Variants in PLA2G4A observed in about 807,000 individuals in gnomAD.
PLA2G4A encodes the protein phospholipase A2 group IVA, also known as cytosolic phospholipase A2.
Under a neutral mutation model 81.9 loss-of-function variants are expected in PLA2G4A, and 40 were observed. The observed-to-expected ratio is 0.49, with a 90% confidence interval of 0.38 to 0.64. The LOEUF (loss-of-function observed/expected upper bound fraction) is 0.64, where lower values mean the gene tolerates loss of function less well. Ranked by LOEUF, PLA2G4A falls within the 30% of genes least tolerant of loss-of-function variation. The pLI is 0.00. For missense variants in PLA2G4A, 715 were observed against 905.1 expected (o/e 0.79, Z 2.69); for synonymous variants, 302 against 296.9 (o/e 1.02, Z -0.18).
Position 186,837,748 on chromosome 1 carries a change from A to G in PLA2G4A, c.-70+8713A>G, listed in dbSNP as rs1322344711. Among the ~76,000 whole-genome samples the G allele has an allele frequency of 2.0e-5, 3 of 148,178 alleles. 1 individual carries two copies. Among genetic ancestry groups the G allele is most frequent in the East Asian group, 3.9e-4 (2 of 5,118 alleles). Reference sequence around the variant, plus strand: ...AGAGACTCCGTCTCAAAAAAAAAAAAAAAAGAAAAAGAAAAGAAAAAAAGA... The same window carrying G: ...AGAGACTCCGTCTCAAAAAAAAAAAGAAAAGAAAAAGAAAAGAAAAAAAGA... On this transcript the variant is annotated intron_variant, in intron 1 of 17. Transcript: ENST00000367466.
intron 5 of PLA2G4A, among the ~76,000 whole-genome samples, chr1:186,900,378 T>C (rs1327116050): frequency 6.6e-6 from 1 of 152,220 alleles, no homozygotes; most frequent in East Asian, 1.9e-4. Context: ...AAATAAATAT[T>C]AAATATTCTC....
chr1:186,893,468 T>C (rs746894857), intron 4 of PLA2G4A, among the ~76,000 whole-genome samples: 1 of 152,234 alleles, frequency 6.6e-6, no homozygotes, highest in African/African-American at 2.4e-5. Flanking sequence ...TTTTAAAAAG[T>C]GAAAATTAAT....
chr1:186,910,759 G>A (rs6662687), intron 6 of PLA2G4A, among the ~76,000 whole-genome samples: 84,907 of 151,970 alleles, frequency 0.56, 25,152 homozygotes, highest in African/African-American at 0.76. Flanking sequence ...GTTAGAGGGG[G>A]GCATCCATTA....
intron 15 of PLA2G4A, among the ~76,000 whole-genome samples, chr1:186,966,135 A>G (rs1470110151): frequency 6.6e-6 from 1 of 150,990 alleles, no homozygotes; most frequent in Non-Finnish European, 1.5e-5. Context: ...AAAAAAAAAA[A>G]AAAAGACATC....
intron 12 of PLA2G4A, among the ~76,000 whole-genome samples, chr1:186,947,500 G>A (rs964182846): frequency 3.3e-5 from 5 of 152,010 alleles, no homozygotes; most frequent in African/African-American, 9.7e-5. Context: ...AATAAATTAC[G>A]AATATTTACA....
At position 186,882,777 on chromosome 1, in the gene PLA2G4A, G is replaced by T. The variant is rs563091769; in HGVS notation, c.116-10234G>T. ...ATGCTAATAGTCTATGTGAGAGGTG[G>T]TGCTTAGTTGAATCGGGGCAATTAT... On this transcript the variant is annotated intron_variant, in intron 3 of 17. Transcript: ENST00000367466. 2.0e-5 allele frequency among the ~76,000 whole-genome samples: 3 copies of T among 152,210 alleles called. No individual in the cohort carries two copies. In the South Asian group the frequency reaches 6.2e-4, roughly 32 times the overall value.
chr1:186,971,883 G>A (rs1316775731), intron 15 of PLA2G4A, among the ~76,000 whole-genome samples: 1 of 151,992 alleles, frequency 6.6e-6, no homozygotes, highest in East Asian at 1.9e-4. Context: ...ATTTTATTAA[G>A]GTAATTAAAT....
intron 15 of PLA2G4A, among the ~76,000 whole-genome samples, chr1:186,975,720 C>T (rs1402601615): frequency 1.3e-5 from 2 of 152,068 alleles, no homozygotes; most frequent in Admixed American, 1.3e-4. Context: ...CTCTGCGTTG[C>T]CTGTAGGGGA....
chr1:186,864,645 G>GATTATTATT (rs75963523), intron 2 of PLA2G4A, among the ~76,000 whole-genome samples: 4,204 of 147,126 alleles, frequency 0.029, 66 homozygotes, highest in South Asian at 0.047. Context: ...TTAAAAATCA[G>GATTATTATT]ATTATTATTA....
At chr1:186,952,925 C>A (rs990681945) in intron 13 of PLA2G4A, among the ~76,000 whole-genome samples, 1 of 152,054 alleles carries the variant, frequency 6.6e-6, no homozygotes, top group African/African-American at 2.4e-5. Flanking sequence ...CAGGTTGTGC[C>A]ACAGTTTAGT....
At chr1:186,847,106 CATAT>C (rs1358296727) in intron 1 of PLA2G4A, among the ~76,000 whole-genome samples, 1 of 150,120 alleles carries the variant, frequency 6.7e-6, no homozygotes, top group Middle Eastern at 3.2e-3. Context: ...TATTAATCTA[CATAT>C]ATATTTATAT....
At position 186,977,739 on chromosome 1, in the gene PLA2G4A, C is replaced by T; in HGVS notation, c.1911C>T (p.Ile637=). 1 of 1,613,784 alleles carries T rather than the reference C, an allele frequency of 6.2e-7. No individual in the cohort carries two copies. The part of the protein sequence containing the change: ...NPDMEKDCPT[I]IHFVLANINF... Reference sequence around the variant, plus strand: ...ATATGGAGAAAGATTGCCCAACCATCATCCACTTTGTTCTGGCCAACATCA... The same window carrying T: ...ATATGGAGAAAGATTGCCCAACCATTATCCACTTTGTTCTGGCCAACATCA... The change falls in exon 16 of 18, where the codon ATC becomes ATT. Residue 637 remains isoleucine (I), a synonymous_variant. Transcript: ENST00000367466.
intron 7 of PLA2G4A, among the ~76,000 whole-genome samples, chr1:186,915,841 A>G (rs1035518998): frequency 2.6e-5 from 4 of 152,118 alleles, no homozygotes; most frequent in Non-Finnish European, 5.9e-5. Context: ...AAGTCATCCT[A>G]CGGGGTGAGT....
chr1:186,968,393 G>A (rs934321318), intron 15 of PLA2G4A, among the ~76,000 whole-genome samples: 4 of 31,572 alleles, frequency 1.3e-4, no homozygotes, highest in East Asian at 5.8e-4. Flanking sequence ...CTCTTTTCGC[G>A]GTGTGTATGT....
At chr1:186,916,166 CG>C (rs1272144473) in intron 7 of PLA2G4A, among the ~76,000 whole-genome samples, 1 of 17,216 alleles carries the variant, frequency 5.8e-5, no homozygotes, top group African/African-American at 5.1e-4. Context: ...GGAGAGCGTT[CG>C]TAAACTTCTC....
chr1:186,839,155 C>G (rs1651890227), intron 1 of PLA2G4A, among the ~76,000 whole-genome samples: 1 of 152,186 alleles, frequency 6.6e-6, no homozygotes, highest in Admixed American at 6.5e-5. Flanking sequence ...AAATGAAGGC[C>G]AGGCTCCTCC....
chr1:186,832,235 A>G (rs1357185012), intron 1 of PLA2G4A, among the ~76,000 whole-genome samples: 2 of 151,960 alleles, frequency 1.3e-5, no homozygotes, highest in African/African-American at 2.4e-5. Flanking sequence ...GACCTTTTTT[A>G]TATATGTTAG....
In PLA2G4A at chr1:186,977,761, A is replaced by T; in HGVS notation, c.1933A>T (p.Ile645Phe). The T allele has an allele frequency of 6.2e-7, 1 of 1,613,188 alleles. No homozygotes were observed. The highest frequency in any genetic ancestry group is 8.5e-7 in the Non-Finnish European group (1 of 1,179,112). Residue 645 changes from isoleucine (I) to phenylalanine (F), a missense_variant, in exon 16 of 18, where the codon ATC becomes TTC. Coordinates refer to ENST00000367466, the MANE Select transcript of PLA2G4A (RefSeq NM_024420.3). ...CATCATCCACTTTGTTCTGGCCAACATCAACTTCAGAAAGTACAGGGCTCC... is the reference window on the plus strand; with the variant it reads ...CATCATCCACTTTGTTCTGGCCAACTTCAACTTCAGAAAGTACAGGGCTCC... ...PTIIHFVLANINFRKYRAPGV... is the reference protein window; with the variant it reads ...PTIIHFVLANFNFRKYRAPGV...
intron 1 of PLA2G4A, among the ~76,000 whole-genome samples, chr1:186,836,100 AAT>A (rs1651765877): frequency 6.6e-6 from 1 of 151,998 alleles, no homozygotes; most frequent in Non-Finnish European, 1.5e-5. Flanking sequence ...ATCTGTTTAA[AAT>A]ATGTTTTAGG....
Sources: gnomAD v4.1 joint callset for allele counts (sites outside exome capture counted in the v4.1 genomes callset) on GRCh38, gnomAD v4.1.1 for gene constraint, MANE v1.5 for transcripts, NCBI Gene and HGNC (gene_info 2026-07-23, HGNC 2026-07-21) for gene names.